Variants in RIMS3 observed in about 807,000 individuals in gnomAD.
RIMS3 encodes the protein regulating synaptic membrane exocytosis 3.
RIMS3 carries 15 observed loss-of-function variants against 29.2 expected under a neutral mutation model. The ratio of observed to expected loss-of-function variants is 0.51; its 90% CI spans 0.34 to 0.79. The LOEUF is 0.79. RIMS3 is among the 30% of genes least tolerant of loss of function. RIMS3 has a pLI of 0.01. For synonymous variants in RIMS3, 161 were observed against 170.1 expected (o/e 0.95, Z 0.41); for missense variants, 342 against 421.4 (o/e 0.81, Z 1.65).
Position 40,622,626 on chromosome 1 carries a change from G to A in RIMS3, c.*3891C>T, listed in dbSNP as rs1646429703. ...AGAAACACTGCTGGACAACCTTCTG[G>A]CCCTGAATGATGTGCCATCTCTCCA... On this transcript the variant is annotated 3_prime_UTR_variant, in exon 8 of 8. Transcript: ENST00000372684. The A allele has an allele frequency of 6.6e-6, 1 of 152,576 alleles. No homozygotes were observed. Among genetic ancestry groups the A allele is most frequent in the African/African-American group, 2.4e-5 (1 of 41,410 alleles). 9.5% of individuals were successfully genotyped at this position (152,576 alleles called of 1,614,324 possible).
intron 1 of RIMS3, among the ~76,000 whole-genome samples, chr1:40,652,654 C>G (rs111919231): frequency 6.6e-6 from 1 of 152,124 alleles, no homozygotes; most frequent in Non-Finnish European, 1.5e-5. Context: ...GGTACAACTG[C>G]GGAACAGAGG....
intron 5 of RIMS3, among the ~76,000 whole-genome samples, chr1:40,632,228 G>A (rs967939564): frequency 1.3e-5 from 2 of 151,578 alleles, no homozygotes; most frequent in East Asian, 1.9e-4. Context: ...CTGGTGTGCC[G>A]CATAATGACA....
the RIMS3 span, among the ~76,000 whole-genome samples, chr1:40,677,113 C>T: frequency 1.4e-4 from 22 of 151,834 alleles, no homozygotes; most frequent in East Asian, 4.3e-3. Context: ...ATTTTCCTGC[C>T]TCAACAACCT....
At chr1:40,667,351 G>A (rs1330743722), upstream of RIMS3, among the ~76,000 whole-genome samples, 1 of 152,152 alleles carries the variant, frequency 6.6e-6, no homozygotes, top group Non-Finnish European at 1.5e-5. Flanking sequence ...CTAGATTAGG[G>A]GAGGTGGGAT....
chr1:40,636,139 C>A lies in RIMS3; in HGVS notation c.218-82G>T. The A allele has an allele frequency of 1.3e-6, 2 of 1,543,026 alleles. No individual in the cohort carries two copies. The highest frequency in any genetic ancestry group is 1.8e-6 in the Non-Finnish European group (2 of 1,132,410). ...GCTTCTCTAAGAGTCCTGCCAAAGT[C>A]ACTCTCTTGGCATGGGGGGTTGATG... On this transcript the variant is annotated intron_variant, in intron 3 of 7. Transcript: ENST00000372684. This position sits in a 1 kb window ranked among gnomAD's most constrained non-coding sequence, Gnocchi z 4.2.
At chr1:40,663,695 G>A (rs1642384936) in intron 1 of RIMS3, among the ~76,000 whole-genome samples, 1 of 152,168 alleles carries the variant, frequency 6.6e-6, no homozygotes, top group African/African-American at 2.4e-5. Context: ...CCAGAGACCA[G>A]AAGCGTCGTT....
the RIMS3 span, among the ~76,000 whole-genome samples, chr1:40,674,395 A>C: frequency 1.1e-4 from 16 of 152,286 alleles, no homozygotes; most frequent in African/African-American, 3.8e-4. Flanking sequence ...GCTTTAAACC[A>C]CCTGGCCCCT....
Position 40,636,436 on chromosome 1 carries a change from C to T in RIMS3, c.218-379G>A, listed in dbSNP as rs113065715. On this transcript the variant is annotated intron_variant, in intron 3 of 7. Transcript: ENST00000372684. This position sits in a 1 kb window ranked among gnomAD's most constrained non-coding sequence, Gnocchi z 4.2. ...CAAAGGTTAAGTGTGCCTCTTCCCA[C>T]TCTCTTCTGGAAAGTTCATCTTCTC... 0.017 allele frequency among the ~76,000 whole-genome samples: 2,572 copies of T among 148,606 alleles called. 30 individuals carry two copies. The highest frequency in any genetic ancestry group is 0.051 in the Middle Eastern group (15 of 294).
At chr1:40,648,875 C>T (rs1394454767) in intron 1 of RIMS3, among the ~76,000 whole-genome samples, 1 of 152,246 alleles carries the variant, frequency 6.6e-6, no homozygotes, top group African/African-American at 2.4e-5. Flanking sequence ...GGTCTGGCAT[C>T]TAAGACCCCT....
upstream of RIMS3, among the ~76,000 whole-genome samples, chr1:40,670,609 T>TATATATATATATATATATATATATATA (rs55692608): frequency 9.6e-5 from 13 of 135,808 alleles, no homozygotes; most frequent in Admixed American, 1.5e-4. Context: ...TATATATATA[T>TATATATATATATATATATATATATATA]TTGAGATGGA....
rs1039600099 is a variant in RIMS3 at position 40,661,856 on chromosome 1, G to A, written c.-207+3538C>T. ...TGCCTCTTGCCCTCTGGCTCCCCAG[G>A]GAGGTTGGGAGAACCTGGCCCCAAG... is the stretch of plus-strand genomic sequence containing the variant. On this transcript the variant is annotated intron_variant, in intron 1 of 7. Transcript: ENST00000372684. 4.6e-5 allele frequency among the ~76,000 whole-genome samples: 7 copies of A among 152,334 alleles called. No homozygotes were observed. The South Asian group carries it at 1.0e-3, about 23-fold the overall frequency.
At chr1:40,682,052 T>C in the RIMS3 span, among the ~76,000 whole-genome samples, 2 of 152,226 alleles carry the variant, frequency 1.3e-5, no homozygotes, top group African/African-American at 4.8e-5. Flanking sequence ...CATGCTGGCC[T>C]TGAACTCCTG....
chr1:40,642,184 T>G (rs1182836506), intron 2 of RIMS3, among the ~76,000 whole-genome samples: 1 of 152,210 alleles, frequency 6.6e-6, no homozygotes, highest in Non-Finnish European at 1.5e-5. Flanking sequence ...ACCGGTTTGA[T>G]GGAGAGGACC....
At chr1:40,688,797 T>A in the RIMS3 span, among the ~76,000 whole-genome samples, 1 of 152,290 alleles carries the variant, frequency 6.6e-6, no homozygotes, top group Middle Eastern at 3.4e-3. Flanking sequence ...GTGACTGCCT[T>A]GTTTTGGGCT....
intron 3 of RIMS3, 142 bp downstream of exon 3, chr1:40,641,567 G>A (rs7535398): frequency 0.3 from 226,238 of 763,406 alleles, 36,019 homozygotes; most frequent in Non-Finnish European, 0.34. Context: ...ACTGGACCTA[G>A]AACAGCACCT....
intron 3 of RIMS3, among the ~76,000 whole-genome samples, chr1:40,637,611 C>A (rs1646529266): frequency 6.6e-6 from 1 of 152,174 alleles, no homozygotes; most frequent in Non-Finnish European, 1.5e-5. Context: ...ATCTCATACA[C>A]AAGGCTACAT....
rs1466394652 is a variant in RIMS3, at chr1:40,626,104, A to C, written c.*413T>G. On this transcript the variant is annotated 3_prime_UTR_variant, in exon 8 of 8. Transcript: ENST00000372684. ...GACCACCAGGAGCAGGCACAGGTGA[A>C]GAACACACAGGCTCTGCCCCAGGCC... The C allele has an allele frequency of 1.2e-5, 3 of 251,172 alleles. No individual in the cohort carries two copies. The highest frequency in any genetic ancestry group is 2.4e-5 in the Non-Finnish European group (3 of 127,252). The allele number at this position is 251,172 out of a possible 1,614,324, so 15.6% of individuals were successfully genotyped here.
intron 2 of RIMS3, among the ~76,000 whole-genome samples, chr1:40,643,423 G>A (rs759802082): frequency 6.6e-6 from 1 of 151,582 alleles, no homozygotes; most frequent in South Asian, 2.1e-4. Flanking sequence ...ATGAGCCACC[G>A]GGCCTGGCTT....
At chr1:40,670,571 ATT>A (rs1491404896), upstream of RIMS3, among the ~76,000 whole-genome samples, 2 of 42,950 alleles carry the variant, frequency 4.7e-5, no homozygotes, top group African/African-American at 1.3e-4. Flanking sequence ...GTTAGTTATA[ATT>A]TTATATATAT....
Sources: allele counts gnomAD v4.1 joint callset (sites outside exome capture counted in the v4.1 genomes callset), GRCh38; gene constraint gnomAD v4.1.1; non-coding constraint Gnocchi (gnomAD v3.1); transcripts MANE v1.5; gene names NCBI Gene and HGNC (gene_info 2026-07-23, HGNC 2026-07-21).